ZFP64: variants seen among roughly 807,000 people sequenced by gnomAD.
ZFP64 encodes the protein zinc finger protein 64.
Under a neutral mutation model 51.6 loss-of-function variants are expected in ZFP64, and 14 were observed. The ratio of observed to expected loss-of-function variants is 0.27; its 90% CI spans 0.18 to 0.42. ZFP64 has a LOEUF of 0.42. ZFP64 is among the 10% of genes least tolerant of loss of function. The probability of loss-of-function intolerance (pLI) is 1.00; values close to 1 mark genes in which losing one functional copy is unlikely to be tolerated. For missense variants in ZFP64, 754 were observed against 906.8 expected (o/e 0.83, Z 2.16); for synonymous variants, 375 against 361.4 (o/e 1.04, Z -0.43).
intron 5 of ZFP64, among the ~76,000 whole-genome samples, chr20:52,158,662 C>T (rs111949704): frequency 3.9e-5 from 6 of 152,140 alleles, no homozygotes; most frequent in South Asian, 2.1e-4. Context: ...GCTGAGATCA[C>T]GCCACTGCAC....
At chr20:52,182,659 C>T (rs1983694318) in intron 2 of ZFP64, among the ~76,000 whole-genome samples, 1 of 152,124 alleles carries the variant, frequency 6.6e-6, no homozygotes, top group African/African-American at 2.4e-5. Flanking sequence ...ATCAAGGCTG[C>T]AGTGAGCCAT....
rs190334742 is a variant in ZFP64 at position 52,142,642 on chromosome 20, C to T, written c.763+17481G>A. Reference sequence around the variant, plus strand: ...TGATCACAAGGTTAGGAGTTTGAGACCAGCCTGACCAACATGGTGAAACCC... The same window carrying T: ...TGATCACAAGGTTAGGAGTTTGAGATCAGCCTGACCAACATGGTGAAACCC... On this transcript the variant is annotated intron_variant, in intron 5 of 8. Transcript: ENST00000361387. 2.6e-5 allele frequency among the ~76,000 whole-genome samples: 4 copies of T among 151,146 alleles called. No individual in the cohort carries two copies. In the South Asian group the frequency reaches 8.4e-4, roughly 32 times the overall value.
intron 5 of ZFP64, among the ~76,000 whole-genome samples, chr20:52,128,753 C>T (rs1979565807): frequency 6.6e-6 from 1 of 152,156 alleles, no homozygotes. Context: ...CTGATTTCCA[C>T]CTGGTCTCCC....
intron 7 of ZFP64, among the ~76,000 whole-genome samples, chr20:52,094,882 C>T (rs1053196814): frequency 5.9e-5 from 9 of 152,124 alleles, no homozygotes; most frequent in African/African-American, 1.9e-4. Context: ...TGATCTCAAC[C>T]AAAATCCCAG....
At chr20:52,181,978 C>T (rs563791358) in intron 2 of ZFP64, among the ~76,000 whole-genome samples, 1 of 152,298 alleles carries the variant, frequency 6.6e-6, no homozygotes, top group Admixed American at 6.5e-5. Context: ...CTGAGTCAGA[C>T]GGAGACAACG....
chr20:52,155,051 C>G (rs999932373), intron 5 of ZFP64, among the ~76,000 whole-genome samples: 3 of 151,934 alleles, frequency 2.0e-5, no homozygotes, highest in African/African-American at 4.8e-5. Flanking sequence ...AAAATAAAAA[C>G]CAATAGGAAT....
At chr20:52,167,195 G>GC (rs1982346123) in intron 2 of ZFP64, among the ~76,000 whole-genome samples, 3 of 151,732 alleles carry the variant, frequency 2.0e-5, no homozygotes, top group Non-Finnish European at 4.4e-5. Context: ...CATGGTGGCG[G>GC]GCACCTGAAA....
chr20:52,155,392 T>TCCCAA (rs202111423), intron 5 of ZFP64, among the ~76,000 whole-genome samples: 2,435 of 152,286 alleles, frequency 0.016, 62 homozygotes, highest in African/African-American at 0.056. Context: ...AAGGACCTCC[T>TCCCAA]TCCCAAATCT....
chr20:52,164,428 A>G (rs905421688), intron 4 of ZFP64, among the ~76,000 whole-genome samples: 3 of 152,220 alleles, frequency 2.0e-5, no homozygotes, highest in African/African-American at 7.2e-5. Context: ...ATTTTGGCAG[A>G]ATCATTTTCA....
intron 5 of ZFP64, among the ~76,000 whole-genome samples, chr20:52,106,831 T>C (rs1016234938): frequency 6.6e-6 from 1 of 152,214 alleles, no homozygotes; most frequent in Non-Finnish European, 1.5e-5. Flanking sequence ...GTGCGGTAGC[T>C]CACTCCTGTA....
intron 8 of ZFP64, among the ~76,000 whole-genome samples, chr20:52,086,884 T>C (rs1001362658): frequency 2.0e-5 from 3 of 152,220 alleles, no homozygotes; most frequent in African/African-American, 7.2e-5. Context: ...CAATCCCAGT[T>C]AGCCATATTC....
chr20:52,129,227 G>A (rs569720420), intron 5 of ZFP64, among the ~76,000 whole-genome samples: 27 of 151,660 alleles, frequency 1.8e-4, no homozygotes, highest in Admixed American at 3.9e-4. Flanking sequence ...GACTACAGGC[G>A]CCCACCACCA....
chr20:52,101,981 A>G (rs1418665899), intron 5 of ZFP64, among the ~76,000 whole-genome samples: 2 of 148,814 alleles, frequency 1.3e-5, no homozygotes, highest in Non-Finnish European at 1.5e-5. Context: ...GTGTGGTGGC[A>G]TGTGCCTGTA....
chr20:52,186,811 T>TC (rs1568708900), intron 2 of ZFP64, 21 bp downstream of exon 2: 2 of 1,585,126 alleles, frequency 1.3e-6, no homozygotes, highest in Non-Finnish European at 1.7e-6. Flanking sequence ...TCTGGCCGAC[T>TC]CCCCCATGCT....
At position 52,126,472 on chromosome 20, in the gene ZFP64, G is replaced by C. The variant is rs147374996; in HGVS notation, c.764-27885C>G. Among the ~76,000 whole-genome samples the C allele has an allele frequency of 2.2e-3, 342 of 152,294 alleles. 2 individuals carry two copies. Among genetic ancestry groups the C allele is most frequent in the African/African-American group, 7.7e-3 (319 of 41,574 alleles). On this transcript the variant is annotated intron_variant, in intron 5 of 8. Coordinates refer to the ZFP64 transcript ENST00000361387. Reference sequence around the variant, plus strand: ...AGGCTTAAAAGGTCTTTGAATGACAGCACCTGCCTGCTTAAAGGTAATCTG... The same window carrying C: ...AGGCTTAAAAGGTCTTTGAATGACACCACCTGCCTGCTTAAAGGTAATCTG...
chr20:52,134,126 T>G (rs1174471983), intron 5 of ZFP64, among the ~76,000 whole-genome samples: 1 of 151,678 alleles, frequency 6.6e-6, no homozygotes, highest in Non-Finnish European at 1.5e-5. Context: ...AGATTTACTG[T>G]GAGAATGCTG....
chr20:52,091,850 C>T (rs1210441018), intron 7 of ZFP64, among the ~76,000 whole-genome samples: 6 of 111,768 alleles, frequency 5.4e-5, no homozygotes, highest in Admixed American at 2.0e-4. Flanking sequence ...ATTAGCTAGA[C>T]GTGGTGGCAC....
chr20:52,122,523 G>T (rs961560350), intron 5 of ZFP64, among the ~76,000 whole-genome samples: 2 of 132,982 alleles, frequency 1.5e-5, no homozygotes, highest in Middle Eastern at 4.0e-3. Context: ...AAAAAAAAAA[G>T]AAATACATTT....
chr20:52,085,166 C>G lies in ZFP64; in HGVS notation c.1329G>C (p.Lys443Asn), dbSNP rs1303048640. The change falls in exon 9 of 9, where the codon AAG becomes AAC. Residue 443 changes from lysine to asparagine, a missense_variant. Lys to Asn is a moderately conservative substitution (Grantham distance 94, BLOSUM62 0). Transcript: ENST00000361387. The surrounding 1 kb of genome is among the most constrained non-coding windows in gnomAD (Gnocchi z 4.3). The stretch of plus-strand genomic sequence containing the variant: ...TGCAGCGGACGTCGCAGAACTCGCA[C>G]TTGAAAGGCTTCTCCCCCGAGTGCA... 18 of 1,614,128 alleles carry G rather than the reference C, an allele frequency of 1.1e-5. No homozygotes were observed. The highest frequency in any genetic ancestry group is 1.4e-5 in the Non-Finnish European group (17 of 1,180,060).
Sources: allele counts gnomAD v4.1 joint callset (sites outside exome capture counted in the v4.1 genomes callset), GRCh38; gene constraint gnomAD v4.1.1; non-coding constraint Gnocchi (gnomAD v3.1); transcripts MANE v1.5; gene names NCBI Gene and HGNC (gene_info 2026-07-23, HGNC 2026-07-21).